Variants in ARAP2 observed in about 807,000 individuals in gnomAD.
ARAP2 encodes arf-GAP with Rho-GAP domain, ANK repeat and PH domain-containing protein 2.
Under a neutral mutation model 194.5 loss-of-function variants are expected in ARAP2, and 148 were observed. The ratio of observed to expected loss-of-function variants is 0.76; its 90% confidence interval spans 0.67 to 0.87. The LOEUF (loss-of-function observed/expected upper bound fraction) is 0.87. Among genes scored for constraint, ARAP2 ranks in the 40% least tolerant of loss-of-function variants. The pLI is 0.00. For synonymous variants in ARAP2, 695 were observed against 683.5 expected, an observed-to-expected ratio of 1.02 and a Z score of -0.26; for missense variants, 2,128 against 1,989.7, an observed-to-expected ratio of 1.07 and a Z score of -1.32.
At chr4:36,203,682 C>T (rs73127501) in intron 6 of ARAP2, among the ~76,000 whole-genome samples, 3,079 of 152,098 alleles carry the variant, frequency 0.02, 98 homozygotes, top group African/African-American at 0.07. Context: ...TAGCATGAGG[C>T]TTCTGTATGG....
At chr4:36,170,270 C>T (rs902133360) in intron 9 of ARAP2, among the ~76,000 whole-genome samples, 2 of 152,130 alleles carry the variant, frequency 1.3e-5, no homozygotes, top group African/African-American at 4.8e-5. Flanking sequence ...TATAAGTATG[C>T]AATATGTAAC....
intron 8 of ARAP2, among the ~76,000 whole-genome samples, chr4:36,183,554 T>G (rs1739788755): frequency 6.6e-6 from 1 of 152,322 alleles, no homozygotes; most frequent in East Asian, 1.9e-4. Context: ...ACGAGTGTTT[T>G]GAAGTATCAC....
intron 1 of ARAP2, among the ~76,000 whole-genome samples, chr4:36,233,508 A>AAGCT (rs1373995036): frequency 6.6e-6 from 1 of 152,204 alleles, no homozygotes; most frequent in Non-Finnish European, 1.5e-5. Context: ...ACCTGAGCCT[A>AAGCT]AGCTCATCAC....
At chr4:36,234,402 A>G (rs1360500687) in intron 1 of ARAP2, among the ~76,000 whole-genome samples, 1 of 152,188 alleles carries the variant, frequency 6.6e-6, no homozygotes, top group African/African-American at 2.4e-5. Context: ...ATGACCTAAT[A>G]ACCTCCCCCA....
chr4:36,189,269 A>G (rs1240773979), intron 7 of ARAP2, among the ~76,000 whole-genome samples: 1 of 152,170 alleles, frequency 6.6e-6, no homozygotes, highest in Non-Finnish European at 1.5e-5. Context: ...TTCTAAATTA[A>G]CACATAATAA....
intron 22 of ARAP2, among the ~76,000 whole-genome samples, chr4:36,121,582 TG>T (rs1722691301): frequency 6.6e-6 from 1 of 151,896 alleles, no homozygotes; most frequent in Middle Eastern, 3.4e-3. Flanking sequence ...GAGAAAGGGC[TG>T]ACCATATTCA....
At chr4:36,232,680 A>G (rs1751717379) in intron 1 of ARAP2, among the ~76,000 whole-genome samples, 1 of 152,236 alleles carries the variant, frequency 6.6e-6, no homozygotes, top group African/African-American at 2.4e-5. Flanking sequence ...ATTCAAAATT[A>G]TAAACAGGCA....
chr4:36,125,654 C>T (rs891413920), intron 21 of ARAP2, among the ~76,000 whole-genome samples: 1 of 151,932 alleles, frequency 6.6e-6, no homozygotes. Context: ...GAAGGACTTA[C>T]CCTCCACTCA....
At chr4:36,083,278 G>T in intron 29 of ARAP2, 90 bp downstream of exon 29, 1 of 938,782 alleles carries the variant, frequency 1.1e-6, no homozygotes, top group Non-Finnish European at 1.6e-6. Context: ...TTTATAAAAA[G>T]TTAGACTAAT....
rs1025519393 is a variant in ARAP2 at position 36,092,025 on chromosome 4, A to G, written c.4286-5T>C. On this transcript the variant is annotated splice_polypyrimidine_tract_variant and splice_region_variant and intron_variant, in intron 27 of 32. Transcript: ENST00000303965. ...TGCTTCCCAGTGTACTCCGGTCTGTAAAGTACAGCATTACTTTTGTGAGTT... is the reference window on the plus strand; with the variant it reads ...TGCTTCCCAGTGTACTCCGGTCTGTGAAGTACAGCATTACTTTTGTGAGTT... 1 of 1,543,398 alleles carries G rather than the reference A, an allele frequency of 6.5e-7. No homozygotes were observed. The highest frequency in any genetic ancestry group is 8.8e-7 in the Non-Finnish European group (1 of 1,132,632).
At position 36,148,984 on chromosome 4, in the gene ARAP2, A is replaced by G. The variant is rs558520531; in HGVS notation, c.2898-477T>C. ...CTTACAGTTTTCCTAAGAAAGATAAATTTTCCTTTCATCATCTCAACTTAC... is the reference window on the plus strand; with the variant it reads ...CTTACAGTTTTCCTAAGAAAGATAAGTTTTCCTTTCATCATCTCAACTTAC... On this transcript the variant is annotated intron_variant, in intron 16 of 32. Transcript: ENST00000303965. 3.3e-5 allele frequency among the ~76,000 whole-genome samples: 5 copies of G among 152,258 alleles called. No individual in the cohort carries two copies. The East Asian group carries it at 9.7e-4, about 29-fold the overall frequency.
intron 19 of ARAP2, among the ~76,000 whole-genome samples, chr4:36,134,340 G>C (rs1311754740): frequency 6.6e-6 from 1 of 151,588 alleles, no homozygotes; most frequent in Non-Finnish European, 1.5e-5. Context: ...GAGAAATTTA[G>C]GATTAACTAA....
chr4:36,014,928 C>A (rs1715515349), intron 8 of ARAP2, among the ~76,000 whole-genome samples: 2 of 152,066 alleles, frequency 1.3e-5, no homozygotes, highest in Admixed American at 1.3e-4. Context: ...GGCCATAGTG[C>A]ACTAGGAAAA....
chr4:36,108,027 C>CATTATT (rs1211070769), intron 26 of ARAP2, among the ~76,000 whole-genome samples: 3 of 151,540 alleles, frequency 2.0e-5, no homozygotes, highest in Admixed American at 6.6e-5. Flanking sequence ...TTGTACAATA[C>CATTATT]ATTATTATTA....
intron 7 of ARAP2, among the ~76,000 whole-genome samples, chr4:36,189,485 T>C (rs1741380897): frequency 6.6e-6 from 1 of 152,210 alleles, no homozygotes; most frequent in South Asian, 2.1e-4. Flanking sequence ...CCTACAGTGC[T>C]ATAGAACACT....
At chr4:36,080,182 A>AT (rs1401583575) in intron 31 of ARAP2, 34 bp downstream of exon 31, 1 of 1,562,134 alleles carries the variant, frequency 6.4e-7, no homozygotes, top group East Asian at 2.3e-5. Context: ...CAAAGTTATT[A>AT]TACTCTACTG....
In ARAP2 at chr4:36,125,064, C is replaced by T. The variant is rs1184385466; in HGVS notation, c.3641-97G>A. The T allele has an allele frequency of 8.4e-6, 6 of 715,956 alleles. No individual in the cohort carries two copies. In the Middle Eastern group the frequency reaches 8.3e-4, roughly 100 times the overall value. The allele number at this position is 715,956 out of a possible 1,614,324, so 44.4% of individuals were successfully genotyped here. A position where few individuals can be genotyped will look rare whatever the true frequency, so the allele number is the denominator to read the frequency against. ...ATTGTAAAACAGTCACAAACAAATG[C>T]ATTTTAATAGGTGATACAATCAGGT... On this transcript the variant is annotated intron_variant, in intron 21 of 32. Transcript: ENST00000303965.
At chr4:36,031,533 C>T (rs896606946) in intron 5 of ARAP2, among the ~76,000 whole-genome samples, 2 of 152,042 alleles carry the variant, frequency 1.3e-5, no homozygotes, top group Admixed American at 6.5e-5. Flanking sequence ...AGTTAGTTAA[C>T]ATAACAAATA....
At chr4:36,169,630 C>G (rs1285697188) in intron 9 of ARAP2, among the ~76,000 whole-genome samples, 5 of 151,470 alleles carry the variant, frequency 3.3e-5, no homozygotes, top group East Asian at 1.9e-4. Context: ...CCCCCAGGTT[C>G]AAGAGATTCC....
Sources: allele counts gnomAD v4.1 joint callset (sites outside exome capture counted in the v4.1 genomes callset), GRCh38; gene constraint gnomAD v4.1.1; transcripts MANE v1.5; gene names NCBI Gene and HGNC (gene_info 2026-07-23, HGNC 2026-07-21).